The following TCF7L2 variants were observed in gnomAD, a reference collection of about 807,000 sequenced individuals.
TCF7L2 encodes transcription factor 7-like 2.
A neutral mutation model predicts 77.9 loss-of-function variants in TCF7L2; 23 were observed. The observed-to-expected ratio is 0.30, with a 90% confidence interval of 0.21 to 0.42. The LOEUF is 0.42. TCF7L2 is among the 10% of genes least tolerant of loss of function. TCF7L2 has a pLI of 1.00. For synonymous variants in TCF7L2, 413 were observed against 340.2 expected, an observed-to-expected ratio of 1.21 and a Z score of -2.36; for missense variants, 654 against 793.1, an observed-to-expected ratio of 0.82 and a Z score of 2.11.
intron 4 of TCF7L2, among the ~76,000 whole-genome samples, chr10:112,974,627 T>C (rs2039013395): frequency 6.6e-6 from 1 of 152,234 alleles, no homozygotes; most frequent in South Asian, 2.1e-4. Context: ...GTATTTTTAG[T>C]AGAGACGGGG....
At position 113,144,088 on chromosome 10, in the gene TCF7L2, C is replaced by CTGTGTGTGTG. The variant is rs746047660; in HGVS notation, c.788+65_788+74dup. 2.8e-4 allele frequency: 359 copies of CTGTGTGTGTG among 1,261,962 alleles called. 1 individual carries two copies. The African/African-American group carries it at 5.7e-3, about 20-fold the overall frequency. 78.2% of individuals were successfully genotyped at this position (1,261,962 alleles called of 1,614,324 possible). On this transcript the variant is annotated intron_variant, in intron 7 of 13. Coordinates refer to ENST00000627217, the MANE Select transcript of TCF7L2 (RefSeq NM_001146274.2). ...TACATGGGCATGTTTATTATTTATT[C>CTGTGTGTGTG]TGTGTGTGTGTCTGTGTGTGTGTGT...
At chr10:113,064,809 T>C (rs2057023484) in intron 5 of TCF7L2, among the ~76,000 whole-genome samples, 1 of 152,230 alleles carries the variant, frequency 6.6e-6, no homozygotes, top group Admixed American at 6.5e-5. Context: ...GAAAATATTT[T>C]GTCATTCCCA....
intron 11 of TCF7L2, among the ~76,000 whole-genome samples, chr10:113,153,312 T>C (rs1001869864): frequency 2.6e-5 from 4 of 152,246 alleles, no homozygotes; most frequent in Non-Finnish European, 5.9e-5. Flanking sequence ...GAAATGCCTC[T>C]TGTTTTGCCT....
At chr10:113,006,016 G>C (rs902999809) in intron 4 of TCF7L2, among the ~76,000 whole-genome samples, 1 of 152,112 alleles carries the variant, frequency 6.6e-6, no homozygotes, top group African/African-American at 2.4e-5. Flanking sequence ...AACCAGGAGG[G>C]GAGGAGAGAA....
At chr10:113,140,307 G>A (rs1035813304) in intron 5 of TCF7L2, among the ~76,000 whole-genome samples, 2 of 152,044 alleles carry the variant, frequency 1.3e-5, no homozygotes, top group African/African-American at 4.8e-5. Flanking sequence ...GCCTGGGCAT[G>A]GCAACTAGAA....
chr10:113,156,623 C>T (rs1372154550), intron 11 of TCF7L2, among the ~76,000 whole-genome samples: 3 of 152,210 alleles, frequency 2.0e-5, no homozygotes, highest in African/African-American at 7.2e-5. Flanking sequence ...GAGGCAGTCG[C>T]CTCTCCTGAA....
chr10:113,134,312 G>A lies in TCF7L2; in HGVS notation c.553-6872G>A, dbSNP rs1467662574. Among the ~76,000 whole-genome samples, 3 of 152,214 alleles carry A rather than the reference G, an allele frequency of 2.0e-5. No homozygotes were observed. In the South Asian group the frequency reaches 6.2e-4, roughly 31 times the overall value. ...GTCATGACTGCTGTTTTTATTCTGT[G>A]TATATATAAGAGGTTTGCAGGATGC... is the stretch of plus-strand genomic sequence containing the variant. On this transcript the variant is annotated intron_variant, in intron 5 of 13. Coordinates refer to ENST00000627217, the MANE Select transcript of TCF7L2 (RefSeq NM_001146274.2).
At chr10:113,070,056 G>A (rs954472732) in intron 5 of TCF7L2, among the ~76,000 whole-genome samples, 3 of 151,838 alleles carry the variant, frequency 2.0e-5, no homozygotes, top group African/African-American at 7.3e-5. Context: ...AGGAGATCAA[G>A]ACCAGCCTGG....
intron 5 of TCF7L2, among the ~76,000 whole-genome samples, chr10:113,067,671 C>T (rs1008024714): frequency 1.3e-5 from 2 of 152,268 alleles, no homozygotes; most frequent in South Asian, 2.1e-4. Context: ...AAGGAGTCCT[C>T]GGCTGAGACC....
At chr10:113,094,991 A>G (rs1323386643) in intron 5 of TCF7L2, among the ~76,000 whole-genome samples, 1 of 152,210 alleles carries the variant, frequency 6.6e-6, no homozygotes. Flanking sequence ...ACGTGGTCCC[A>G]GCTACTCGGG....
chr10:113,060,432 T>C (rs12245680), intron 5 of TCF7L2, among the ~76,000 whole-genome samples: 13,172 of 152,204 alleles, frequency 0.087, 574 homozygotes, highest in Non-Finnish European at 0.099. Flanking sequence ...CAGGACCGAA[T>C]GCACTCGAGT....
At chr10:112,967,106 A>C (rs1025729858) in intron 4 of TCF7L2, among the ~76,000 whole-genome samples, 9 of 152,206 alleles carry the variant, frequency 5.9e-5, no homozygotes, top group African/African-American at 2.2e-4. Flanking sequence ...GACGAAATGA[A>C]ATTGTTCCCA....
intron 13 of TCF7L2, 146 bp from the exon 15 acceptor site, chr10:113,165,409 C>A: frequency 2.3e-6 from 2 of 861,154 alleles, no homozygotes; most frequent in Non-Finnish European, 3.7e-6. Context: ...TGGGGGGGCG[C>A]CACTGTAATT....
intron 5 of TCF7L2, among the ~76,000 whole-genome samples, chr10:113,052,466 A>G (rs939682108): frequency 2.0e-5 from 3 of 152,200 alleles, no homozygotes; most frequent in African/African-American, 7.2e-5. Flanking sequence ...TCAAATGTCC[A>G]TTTAGATGTC....
chr10:113,129,765 A>G (rs1592098768), intron 5 of TCF7L2: 2 of 1,261,102 alleles, frequency 1.6e-6, no homozygotes, highest in East Asian at 5.7e-5. Flanking sequence ...GAAAAGTGAG[A>G]AAAGCAGAAA....
intron 5 of TCF7L2, among the ~76,000 whole-genome samples, chr10:113,117,392 T>C (rs1042755913): frequency 9.6e-4 from 26 of 26,976 alleles, no homozygotes; most frequent in Non-Finnish European, 1.7e-3. Context: ...TCTCTCTCTC[T>C]CTCTCTCTCT....
chr10:113,028,206 C>T (rs1222423342), intron 4 of TCF7L2, among the ~76,000 whole-genome samples: 1 of 152,098 alleles, frequency 6.6e-6, no homozygotes, highest in Non-Finnish European at 1.5e-5. Flanking sequence ...TCCTTGCTCT[C>T]TAGGAGGGAT....
At chr10:113,058,487 G>T (rs1487805288) in intron 5 of TCF7L2, among the ~76,000 whole-genome samples, 2 of 152,150 alleles carry the variant, frequency 1.3e-5, no homozygotes, top group Non-Finnish European at 2.9e-5. Context: ...GGGTTTTGGT[G>T]TCAGGTCCCC....
At chr10:113,059,702 T>TA (rs1380738433) in intron 5 of TCF7L2, among the ~76,000 whole-genome samples, 1 of 152,146 alleles carries the variant, frequency 6.6e-6, no homozygotes, top group African/African-American at 2.4e-5. Flanking sequence ...CCTTTGGTTT[T>TA]CAAGGCAGCA....
Sources: allele counts gnomAD v4.1 joint callset (sites outside exome capture counted in the v4.1 genomes callset), GRCh38; gene constraint gnomAD v4.1.1; transcripts MANE v1.5; gene names NCBI Gene and HGNC (gene_info 2026-07-23, HGNC 2026-07-21).